ZNF566: variants seen among roughly 807,000 people sequenced by gnomAD.
ZNF566 encodes the protein zinc finger protein 566.
ZNF566 carries 27 observed loss-of-function variants against 32.8 expected under a neutral mutation model. That is an observed-to-expected ratio of 0.82 (90% CI 0.61 to 1.14). The LOEUF (loss-of-function observed/expected upper bound fraction) is 1.14, where lower values mean the gene tolerates loss of function less well. ZNF566 is among the 50% of genes most tolerant of loss of function. The probability of loss-of-function intolerance (pLI) is 0.00; values close to 1 mark genes in which losing one functional copy is unlikely to be tolerated. For missense variants in ZNF566, 402 were observed against 490.4 expected, an observed-to-expected ratio of 0.82 and a Z score of 1.70; for synonymous variants, 154 against 159.5, an observed-to-expected ratio of 0.97 and a Z score of 0.26.
intron 1 of ZNF566, among the ~76,000 whole-genome samples, chr19:36,480,711 A>T (rs1270068041): frequency 3.3e-5 from 5 of 151,376 alleles, no homozygotes; most frequent in Non-Finnish European, 5.9e-5. Context: ...GAGGGATCAC[A>T]GACTTAAGTG....
chr19:36,475,604 C>A (rs2145691472), intron 2 of ZNF566, among the ~76,000 whole-genome samples: 1 of 152,240 alleles, frequency 6.6e-6, no homozygotes, highest in African/African-American at 2.4e-5. Flanking sequence ...CATATTAATT[C>A]AATGTGGGGA....
chr19:36,487,678 T>C (rs1568536751), intron 1 of ZNF566, among the ~76,000 whole-genome samples: 2 of 152,020 alleles, frequency 1.3e-5, no homozygotes, highest in African/African-American at 2.4e-5. Context: ...GAGGCCAAGG[T>C]GGGCGGATCA....
At chr19:36,480,466 G>A (rs1288781642) in intron 1 of ZNF566, among the ~76,000 whole-genome samples, 1 of 150,964 alleles carries the variant, frequency 6.6e-6, no homozygotes, top group African/African-American at 2.4e-5. Flanking sequence ...TGTATTTTTA[G>A]TGGAGACAGG....
intron 4 of ZNF566, among the ~76,000 whole-genome samples, chr19:36,468,773 G>T (rs1218361582): frequency 6.6e-6 from 1 of 151,566 alleles, no homozygotes; most frequent in Non-Finnish European, 1.5e-5. Flanking sequence ...AATTAACCAG[G>T]TGTGGTGGCA....
In ZNF566 at chr19:36,449,026, T is replaced by TGAA; in HGVS notation, c.1207_1208insTTC (p.Asn403delinsIleHis). ...AATAAGTTGTGGGTCATAATTAAAGTTCTTTCCACATTCCCTATATTCATA... is the reference window on the plus strand; with the variant it reads ...AATAAGTTGTGGGTCATAATTAAAGTGAATCTTTCCACATTCCCTATATTCATA... On this transcript the variant is annotated protein_altering_variant, in exon 5 of 5. Transcript: ENST00000452939. 6.2e-7 allele frequency: 1 copy of TGAA among 1,606,220 alleles called. No individual in the cohort carries two copies. Among genetic ancestry groups the TGAA allele is most frequent in the Non-Finnish European group, 8.5e-7 (1 of 1,177,694 alleles).
In ZNF566 at chr19:36,445,208, T is replaced by C. The variant is rs927041268; in HGVS notation, c.*3769A>G. 4 of 152,112 alleles carry C rather than the reference T, an allele frequency of 2.6e-5. No homozygotes were observed. Among genetic ancestry groups the C allele is most frequent in the Non-Finnish European group, 5.9e-5 (4 of 68,028 alleles). 9.4% of individuals were successfully genotyped at this position (152,112 alleles called of 1,614,324 possible). On this transcript the variant is annotated 3_prime_UTR_variant, in exon 5 of 5. Coordinates refer to ENST00000452939, the MANE Select transcript of ZNF566 (RefSeq NM_001145344.1). ...CTTTATTTCCAAGTAATAAAAGCTA[T>C]TGAAAAGTGTCAAGGATTGCTAGAA... is the stretch of plus-strand genomic sequence containing the variant.
At chr19:36,477,906 GT>G (rs2033937160) in intron 1 of ZNF566, among the ~76,000 whole-genome samples, 1 of 152,002 alleles carries the variant, frequency 6.6e-6, no homozygotes, top group Non-Finnish European at 1.5e-5. Context: ...AGACTACATT[GT>G]TTAAGGGGAA....
At chr19:36,464,685 G>C (rs1177482148) in intron 4 of ZNF566, among the ~76,000 whole-genome samples, 1 of 151,938 alleles carries the variant, frequency 6.6e-6, no homozygotes, top group Non-Finnish European at 1.5e-5. Flanking sequence ...GAGGTGGGAG[G>C]ATCACCTGAG....
rs532488084 is a variant in ZNF566 at position 36,463,702 on chromosome 19, C to G, written c.232+9209G>C. 6.0e-5 allele frequency among the ~76,000 whole-genome samples: 9 copies of G among 151,178 alleles called. No homozygotes were observed. In the South Asian group the frequency reaches 6.3e-4, roughly 11 times the overall value. ...GGACAACAGGTGTGCGCCACCACACCTGGCTAATTTTTGTGTTTGCTTTTT... is the reference window on the plus strand; with the variant it reads ...GGACAACAGGTGTGCGCCACCACACGTGGCTAATTTTTGTGTTTGCTTTTT... On this transcript the variant is annotated intron_variant, in intron 4 of 4. Transcript: ENST00000452939.
In ZNF566 at chr19:36,445,241, A is replaced by C. The variant is rs536613663; in HGVS notation, c.*3736T>G. ...TGTCAAGGATTGCTAGAATATGGAG[A>C]ACAGAAATAGATGTGAGCATTTAAT... On this transcript the variant is annotated 3_prime_UTR_variant, in exon 5 of 5. Transcript: ENST00000452939. 5.3e-5 allele frequency: 8 copies of C among 152,302 alleles called. No homozygotes were observed. The South Asian group carries it at 1.5e-3, about 28-fold the overall frequency. 9.4% of individuals were successfully genotyped at this position (152,302 alleles called of 1,614,324 possible).
At chr19:36,464,780 T>C (rs1415274005) in intron 4 of ZNF566, among the ~76,000 whole-genome samples, 1 of 151,862 alleles carries the variant, frequency 6.6e-6, no homozygotes, top group African/African-American at 2.4e-5. Context: ...AAAAAAAATT[T>C]TGGGAATCAA....
At chr19:36,481,134 A>T (rs1452597065) in intron 1 of ZNF566, among the ~76,000 whole-genome samples, 1 of 151,986 alleles carries the variant, frequency 6.6e-6, no homozygotes, top group Non-Finnish European at 1.5e-5. Flanking sequence ...CTTTTAAAAG[A>T]CTCTGAAATG....
At chr19:36,452,890 C>T (rs960775424) in intron 4 of ZNF566, among the ~76,000 whole-genome samples, 1 of 151,784 alleles carries the variant, frequency 6.6e-6, no homozygotes, top group Non-Finnish European at 1.5e-5. Flanking sequence ...GAGGCCAAAG[C>T]GGGCAGATCA....
chr19:36,480,012 A>G (rs2145701031), intron 1 of ZNF566, among the ~76,000 whole-genome samples: 1 of 152,088 alleles, frequency 6.6e-6, no homozygotes. Flanking sequence ...ATGAACACAT[A>G]TATTTGTAAA....
intron 1 of ZNF566, among the ~76,000 whole-genome samples, chr19:36,489,211 C>T (rs2034248637): frequency 6.6e-6 from 1 of 152,196 alleles, no homozygotes; most frequent in African/African-American, 2.4e-5. Flanking sequence ...CAACCAGGCA[C>T]AAGCTCCCCA....
chr19:36,452,080 C>T (rs951596187), intron 4 of ZNF566, among the ~76,000 whole-genome samples: 4 of 148,726 alleles, frequency 2.7e-5, no homozygotes, highest in South Asian at 2.1e-4. Context: ...CCCCTTGACT[C>T]GTTAAAAAAA....
At chr19:36,458,725 T>C (rs1236187491) in intron 4 of ZNF566, among the ~76,000 whole-genome samples, 1 of 152,222 alleles carries the variant, frequency 6.6e-6, no homozygotes, top group East Asian at 1.9e-4. Flanking sequence ...TTAATGTTCT[T>C]ACCACATACA....
chr19:36,467,790 CAAAAAAAAAAAAA>C (rs560803094), intron 4 of ZNF566, among the ~76,000 whole-genome samples: 41 of 85,926 alleles, frequency 4.8e-4, no homozygotes, highest in Admixed American at 6.7e-4. Context: ...GACTCCATCT[CAAAAAAAAAAAAA>C]AAAAAAAAAA....
intron 4 of ZNF566, among the ~76,000 whole-genome samples, chr19:36,463,913 C>T (rs186027720): frequency 6.6e-6 from 1 of 151,722 alleles, no homozygotes; most frequent in African/African-American, 2.4e-5. Flanking sequence ...TTTAGTAGAG[C>T]CTGGGTTTCA....
Sources: allele counts gnomAD v4.1 joint callset (sites outside exome capture counted in the v4.1 genomes callset), GRCh38; gene constraint gnomAD v4.1.1; transcripts MANE v1.5; gene names NCBI Gene and HGNC (gene_info 2026-07-23, HGNC 2026-07-21).